VWCE: variants seen among roughly 807,000 people sequenced by gnomAD.
VWCE encodes von Willebrand factor C and EGF domains.
In VWCE, 68 loss-of-function variants were observed where a neutral mutation model predicts 102.9. The ratio of observed to expected loss-of-function variants is 0.66; its 90% CI spans 0.54 to 0.81. The LOEUF is 0.81. Among genes scored for constraint, VWCE ranks in the 30% least tolerant of loss-of-function variants. The probability of loss-of-function intolerance (pLI) is 0.00; values close to 1 mark genes in which losing one functional copy is unlikely to be tolerated. For missense variants in VWCE, 1,137 were observed against 1,263.6 expected (o/e 0.90, Z 1.52); for synonymous variants, 497 against 515.4 (o/e 0.96, Z 0.48).
intron 4 of VWCE, among the ~76,000 whole-genome samples, chr11:61,289,855 T>G (rs954928523): frequency 6.6e-6 from 1 of 152,204 alleles, no homozygotes; most frequent in Non-Finnish European, 1.5e-5. Context: ...ATCTCTTGCT[T>G]TTCTATTCAG....
chr11:61,274,644 G>T lies in VWCE; in HGVS notation c.1496-60C>A, dbSNP rs530568181. The T allele has an allele frequency of 3.9e-6, 6 of 1,542,874 alleles. No homozygotes were observed. In the African/African-American group the frequency reaches 4.1e-5, roughly 11 times the overall value. On this transcript the variant is annotated intron_variant, in intron 11 of 19. Transcript: ENST00000335613. ...TTTGGGCAGAGGCAGCTAAAGAAAG[G>T]GGGGAACAAATGGGTAGGGAGCCCC...
Position 61,259,161 on chromosome 11 carries a change from C to T in VWCE, c.2382G>A (p.Pro794=), listed in dbSNP as rs970086209. 89 of 1,614,004 alleles carry T rather than the reference C, an allele frequency of 5.5e-5. No homozygotes were observed. The highest frequency in any genetic ancestry group is 7.0e-5 in the Non-Finnish European group (83 of 1,180,018). The change falls in exon 20 of 20, where the codon CCG becomes CCA. Residue 794 remains proline, a synonymous_variant. Transcript: ENST00000335613. ...PGPPTASPSR[P]VLHLLQLLLR... ...AAAGGAGCTGGAGGAGATGAAGCAC[C>T]GGCCTCGAGGGTGATGCTGTCGGGG...
At chr11:61,262,373 C>A (rs1019515951) in intron 19 of VWCE, among the ~76,000 whole-genome samples, 1 of 152,168 alleles carries the variant, frequency 6.6e-6, no homozygotes, top group Non-Finnish European at 1.5e-5. Flanking sequence ...CAACTAGAAA[C>A]TTAACTTCTT....
chr11:61,276,450 G>A (rs2134788690), intron 11 of VWCE, 143 bp downstream of exon 11: 1 of 543,590 alleles, frequency 1.8e-6, no homozygotes, highest in South Asian at 4.8e-5. Context: ...GGGCTTGGGG[G>A]CTCATGCCTG....
Position 61,281,101 on chromosome 11 carries a change from C to G in VWCE, c.922G>C (p.Gly308Arg). 1 of 1,610,926 alleles carries G rather than the reference C, an allele frequency of 6.2e-7. No individual in the cohort carries two copies. The highest frequency in any genetic ancestry group is 8.5e-7 in the Non-Finnish European group (1 of 1,178,366). Reference sequence around the variant, plus strand: ...GTGGTCCTGACTCCGGCTGGGGGCCCTGGAGCCCCAGAAGGAGGGCTATGT... The same window carrying G: ...GTGGTCCTGACTCCGGCTGGGGGCCGTGGAGCCCCAGAAGGAGGGCTATGT... ...PGHSPPSGAP[G>R]PPAGVRTTRL... Residue 308 changes from glycine (G) to arginine (R), a missense_variant, in exon 8 of 20, where the codon GGG becomes CGG. Coordinates refer to ENST00000335613, the MANE Select transcript of VWCE (RefSeq NM_152718.2).
chr11:61,289,695 C>G (rs1855438330), intron 4 of VWCE, among the ~76,000 whole-genome samples: 1 of 152,308 alleles, frequency 6.6e-6, no homozygotes, highest in South Asian at 2.1e-4. Context: ...CATACACACA[C>G]ATACACACAC....
intron 4 of VWCE, among the ~76,000 whole-genome samples, chr11:61,289,727 G>A (rs535190952): frequency 6.6e-6 from 1 of 152,002 alleles, no homozygotes; most frequent in African/African-American, 2.4e-5. Flanking sequence ...GACACACCCA[G>A]GGAAAAGGGC....
At chr11:61,291,204 A>G in intron 3 of VWCE, 60 bp downstream of exon 3, 1 of 1,462,572 alleles carries the variant, frequency 6.8e-7, no homozygotes, top group Non-Finnish European at 9.1e-7. Flanking sequence ...CCCACTGCCC[A>G]GGACATAACC....
intron 11 of VWCE, among the ~76,000 whole-genome samples, 188 bp from the exon 12 acceptor site, chr11:61,274,772 C>T (rs1185931412): frequency 2.0e-5 from 3 of 152,072 alleles, no homozygotes; most frequent in East Asian, 3.9e-4. Flanking sequence ...CAAGTCATGC[C>T]GACAAAGGGG....
chr11:61,290,747 T>C lies in VWCE; in HGVS notation c.424+52A>G. ...CCATCCTGGCAGGAGGGGGAGGAGA[T>C]ATAATTCCCGCTGTCCCCCTCCCCC... On this transcript the variant is annotated intron_variant, in intron 4 of 19. Transcript: ENST00000335613. 4.5e-6 allele frequency: 7 copies of C among 1,555,850 alleles called. No individual in the cohort carries two copies. The South Asian group carries it at 8.3e-5, about 18-fold the overall frequency.
chr11:61,291,571 C>A lies in VWCE; in HGVS notation c.116G>T (p.Arg39Leu). The A allele has an allele frequency of 6.9e-7, 1 of 1,439,200 alleles. No individual in the cohort carries two copies. Among genetic ancestry groups the A allele is most frequent in the South Asian group, 1.5e-5 (1 of 65,658 alleles). 89.2% of individuals were successfully genotyped at this position (1,439,200 alleles called of 1,614,324 possible). A position where few individuals can be genotyped will look rare whatever the true frequency, so the allele number is the denominator to read the frequency against. Reference sequence around the variant, plus strand: ...AGAGAGGCAGACGTGGGGGCCCAGTCGGCGTCTGCAAGAGAAGAGAGAGCA... The same window carrying A: ...AGAGAGGCAGACGTGGGGGCCCAGTAGGCGTCTGCAAGAGAAGAGAGAGCA... ...PPGHFAAERR[R>L]LGPHVCLSGF... Residue 39 changes from arginine (R) to leucine (L), a missense_variant, in exon 2 of 20, where the codon CGA becomes CTA. By Grantham distance (102) the Arg-to-Leu change is moderately radical (BLOSUM62 -2). This residue lies in a region of VWCE where 575 missense variants were observed against 625.9 expected (regional missense o/e 0.92). Coordinates refer to ENST00000335613, the MANE Select transcript of VWCE (RefSeq NM_152718.2).
intron 19 of VWCE, among the ~76,000 whole-genome samples, chr11:61,259,830 C>A (rs1854302669): frequency 6.6e-6 from 1 of 152,162 alleles, no homozygotes; most frequent in Non-Finnish European, 1.5e-5. Context: ...AAAATAGTTT[C>A]TTTGAAGAAT....
At chr11:61,292,837 A>G (rs1389266652) in intron 1 of VWCE, among the ~76,000 whole-genome samples, 1 of 152,140 alleles carries the variant, frequency 6.6e-6, no homozygotes, top group Non-Finnish European at 1.5e-5. Context: ...GAAGGGCAGC[A>G]TCTAGGCTGA....
chr11:61,267,428 C>T (rs1854544909), intron 16 of VWCE, 34 bp downstream of exon 16: 1 of 1,607,466 alleles, frequency 6.2e-7, no homozygotes, highest in Non-Finnish European at 8.5e-7. Context: ...GGGGGAGTTT[C>T]CAGGGGCGGG....
chr11:61,273,227 G>A lies in VWCE; in HGVS notation c.1671C>T (p.Phe557=). 1 of 1,613,760 alleles carries A rather than the reference G, an allele frequency of 6.2e-7. No individual in the cohort carries two copies. The highest frequency in any genetic ancestry group is 1.1e-5 in the South Asian group (1 of 91,046). The change falls in exon 13 of 20, where the codon TTC becomes TTT. Residue 557 remains phenylalanine (F), a synonymous_variant. Transcript: ENST00000335613. ...TCGAGGGTGTGGGCTCCTGGCAGGTGAAGCAACACTGCCCAGGGCCCAGCC... is the reference window on the plus strand; with the variant it reads ...TCGAGGGTGTGGGCTCCTGGCAGGTAAAGCAACACTGCCCAGGGCCCAGCC... ...EWRLGPGQCC[F]TCQEPTPSTG...
chr11:61,294,597 C>A lies in VWCE; in HGVS notation c.110+331G>T, dbSNP rs974193800. 1.3e-5 allele frequency among the ~76,000 whole-genome samples: 2 copies of A among 152,162 alleles called. No homozygotes were observed. Among genetic ancestry groups the A allele is most frequent in the Non-Finnish European group, 2.9e-5 (2 of 68,026 alleles). ...ACGGGCACGCTGGGGGGTGAGCCAG[C>A]CAGTCCGGAGACCAGATGGCACGTC... On this transcript the variant is annotated intron_variant, in intron 1 of 19. Transcript: ENST00000335613. The surrounding 1 kb of genome is among the most constrained non-coding windows in gnomAD (Gnocchi z 6.3).
chr11:61,279,299 G>A (rs904048683), intron 9 of VWCE, among the ~76,000 whole-genome samples: 5 of 152,102 alleles, frequency 3.3e-5, no homozygotes, highest in African/African-American at 1.2e-4. Context: ...GCCAGGCCCA[G>A]CGGCTCATGC....
In VWCE at chr11:61,294,938, C is replaced by A; in HGVS notation, c.100G>T (p.Ala34Ser). The change falls in exon 1 of 20, where the codon GCG becomes TCG. Residue 34 changes from alanine (A) to serine (S), a missense_variant. By Grantham distance (99) the Ala-to-Ser change is moderately conservative. Transcript: ENST00000335613. This position sits in a 1 kb window ranked among gnomAD's most constrained non-coding sequence, Gnocchi z 6.3. The part of the protein sequence containing the change: ...YTGRKPPGHF[A>S]AERRRLGPHV... ...GCTCCGGGCGCTTACCTCTCGGCCG[C>A]GAAGTGCCCGGGCGGCTTCCTCCCG... The A allele has an allele frequency of 6.9e-7, 1 of 1,441,288 alleles. No homozygotes were observed. Among genetic ancestry groups the A allele is most frequent in the Non-Finnish European group, 9.1e-7 (1 of 1,095,862 alleles). 89.3% of individuals were successfully genotyped at this position (1,441,288 alleles called of 1,614,324 possible).
intron 5 of VWCE, among the ~76,000 whole-genome samples, chr11:61,285,673 C>T (rs148689503): frequency 6.6e-6 from 1 of 152,300 alleles, no homozygotes; most frequent in African/African-American, 2.4e-5. Context: ...GCCTCCTTCC[C>T]CAGGTTGGTC....
Sources: allele counts gnomAD v4.1 joint callset (sites outside exome capture counted in the v4.1 genomes callset), GRCh38; gene constraint gnomAD v4.1.1; regional missense constraint gnomAD v4.1.1; non-coding constraint Gnocchi (gnomAD v3.1); transcripts MANE v1.5; gene names NCBI Gene and HGNC (gene_info 2026-07-23, HGNC 2026-07-21).